The following FAM72A variants were observed in gnomAD, a reference collection of about 807,000 sequenced individuals.
FAM72A encodes the protein regulator of UNG2 and MKLN1 interacting yippee protein 1.
FAM72A carries 1 observed loss-of-function variant against 11.3 expected under a neutral mutation model. The ratio of observed to expected loss-of-function variants is 0.09; its 90% CI spans 0.03 to 0.42. The LOEUF is 0.42. FAM72A is among the 10% of genes least tolerant of loss of function. The pLI, the probability that FAM72A is intolerant of heterozygous loss-of-function variation, is 0.98. For missense variants in FAM72A, 15 were observed against 135.5 expected, an observed-to-expected ratio of 0.11 and a Z score of 4.41; for synonymous variants, 5 against 46.9, an observed-to-expected ratio of 0.11 and a Z score of 3.65.
At chr1:206,196,756 A>G (rs1665078360) in intron 2 of FAM72A, among the ~76,000 whole-genome samples, 6 of 150,550 alleles carry the variant, frequency 4.0e-5, no homozygotes, top group Admixed American at 3.9e-4. Context: ...TTTCAGAATT[A>G]TCCAGCTGAT....
chr1:206,187,163 A>G lies in FAM72A; in HGVS notation c.*116T>C, dbSNP rs1664572540. On this transcript the variant is annotated 3_prime_UTR_variant, in exon 4 of 4. Coordinates refer to ENST00000367128, the MANE Select transcript of FAM72A (RefSeq NM_001123168.3). ...AGACGGAAAATAAATAAATCAACAA[A>G]TGCCCCATTTTTGTTTTCCAAAAAA... 1 of 1,089,282 alleles carries G rather than the reference A, an allele frequency of 9.2e-7. No homozygotes were observed. The allele number at this position is 1,089,282 out of a possible 1,614,324, so 67.5% of individuals were successfully genotyped here.
chr1:206,193,608 T>A (rs1475487838), intron 3 of FAM72A, among the ~76,000 whole-genome samples: 1 of 152,190 alleles, frequency 6.6e-6, no homozygotes, highest in East Asian at 1.9e-4. Context: ...ATAGGCTGAA[T>A]CTCTTGTTAG....
At chr1:206,190,834 A>G (rs572590619) in intron 3 of FAM72A, among the ~76,000 whole-genome samples, 261 of 151,282 alleles carry the variant, frequency 1.7e-3, no homozygotes, top group African/African-American at 6.1e-3. Context: ...TTGTGCCACC[A>G]CACTCCAGCC....
intron 2 of FAM72A, among the ~76,000 whole-genome samples, chr1:206,197,874 A>T (rs1326664003): frequency 1.3e-5 from 2 of 151,812 alleles, no homozygotes; most frequent in Non-Finnish European, 2.9e-5. Context: ...AGATCATGCC[A>T]TTGCACTCCA....
chr1:206,198,017 T>C (rs1665159289), intron 2 of FAM72A, among the ~76,000 whole-genome samples: 11 of 147,504 alleles, frequency 7.5e-5, no homozygotes, highest in East Asian at 6.1e-4. Flanking sequence ...GTCAGGAGTT[T>C]GAGACCAGCC....
chr1:206,191,730 T>TA (rs1664815826), intron 3 of FAM72A, among the ~76,000 whole-genome samples: 4 of 143,152 alleles, frequency 2.8e-5, no homozygotes, highest in Non-Finnish European at 6.1e-5. Context: ...TATTATTTTT[T>TA]TTTTTTTTTT....
intron 2 of FAM72A, among the ~76,000 whole-genome samples, chr1:206,196,519 A>G (rs1665064496): frequency 9.8e-6 from 1 of 101,678 alleles, no homozygotes; most frequent in Non-Finnish European, 1.9e-5. Context: ...TTCTGTGGGT[A>G]AAGGTTTTTG....
chr1:206,198,091 C>T (rs1278850184), intron 2 of FAM72A, among the ~76,000 whole-genome samples: 6 of 150,992 alleles, frequency 4.0e-5, no homozygotes, highest in South Asian at 2.1e-4. Context: ...GGGCTGGGTG[C>T]GGTGGCTCAC....
chr1:206,200,059 CAG>C (rs1280996166), intron 1 of FAM72A, among the ~76,000 whole-genome samples, 175 bp from the exon 2 acceptor site: 4 of 151,592 alleles, frequency 2.6e-5, no homozygotes, highest in East Asian at 3.9e-4. Flanking sequence ...ACCCTCCTAC[CAG>C]AGTTTCCTGA....
intron 2 of FAM72A, among the ~76,000 whole-genome samples, chr1:206,198,907 T>TAAAA (rs544163968): frequency 1.2e-3 from 79 of 63,572 alleles, no homozygotes; most frequent in African/African-American, 4.4e-3. Context: ...CTGTCTCTAC[T>TAAAA]AAAAAAAAAA....
At chr1:206,197,932 T>C (rs1571534984) in intron 2 of FAM72A, among the ~76,000 whole-genome samples, 1 of 145,396 alleles carries the variant, frequency 6.9e-6, no homozygotes, top group East Asian at 2.1e-4. Flanking sequence ...ACAAAAAAAA[T>C]GTCGTTGCCC....
upstream of FAM72A, chr1:206,202,933 T>C (rs1553299546): frequency 6.8e-6 from 1 of 147,492 alleles, no homozygotes. Flanking sequence ...AGAACTAGAG[T>C]TAGCCCCAGT....
chr1:206,192,864 T>G (rs1428563548), intron 3 of FAM72A, among the ~76,000 whole-genome samples: 1 of 149,974 alleles, frequency 6.7e-6, no homozygotes, highest in Non-Finnish European at 1.5e-5. Flanking sequence ...CTAGCTAAGA[T>G]TATGGATGAA....
At chr1:206,198,908 A>G (rs1159462824) in intron 2 of FAM72A, among the ~76,000 whole-genome samples, 6 of 116,368 alleles carry the variant, frequency 5.2e-5, no homozygotes, top group Admixed American at 4.2e-4. Flanking sequence ...TGTCTCTACT[A>G]AAAAAAAAAA....
chr1:206,190,657 G>A (rs1195175546), intron 3 of FAM72A, among the ~76,000 whole-genome samples: 2 of 128,414 alleles, frequency 1.6e-5, no homozygotes, highest in Non-Finnish European at 3.2e-5. Context: ...ATCACTTGAG[G>A]ACAGGAGTTC....
upstream of FAM72A, chr1:206,204,918 C>CCCCCCCCCA (rs1286497011): frequency 7.1e-6 from 1 of 141,024 alleles, no homozygotes; most frequent in African/African-American, 2.9e-5. Flanking sequence ...CCCCCCCCCC[C>CCCCCCCCCA]ATCAACATTT....
At chr1:206,193,658 T>C (rs1427662129) in intron 3 of FAM72A, among the ~76,000 whole-genome samples, 1 of 152,226 alleles carries the variant, frequency 6.6e-6, no homozygotes, top group Admixed American at 6.5e-5. Flanking sequence ...AATCCAATGC[T>C]CATTTACCGT....
Position 206,187,390 on chromosome 1 carries a change from A to G in FAM72A, c.356-17T>C, listed in dbSNP as rs1553297013. On this transcript the variant is annotated splice_polypyrimidine_tract_variant and intron_variant, in intron 3 of 3. Coordinates refer to ENST00000367128, the MANE Select transcript of FAM72A (RefSeq NM_001123168.3). ...CGTTTACACCTGAAAATAAAAAGTC[A>G]TAAAATTCTTTAATGCTTACTACTG... 1 of 1,611,014 alleles carries G rather than the reference A, an allele frequency of 6.2e-7. No homozygotes were observed. Among genetic ancestry groups the G allele is most frequent in the Admixed American group, 1.7e-5 (1 of 59,892 alleles).
upstream of FAM72A, chr1:206,204,907 G>GCCCC (rs370784257): frequency 1.3e-4 from 12 of 95,132 alleles, 2 homozygotes; most frequent in African/African-American, 3.1e-4. Context: ...CTGCAGATTT[G>GCCCC]CCCCCCCCCC....
Sources: gnomAD v4.1 joint callset for allele counts (sites outside exome capture counted in the v4.1 genomes callset) on GRCh38, gnomAD v4.1.1 for gene constraint, MANE v1.5 for transcripts, NCBI Gene and HGNC (gene_info 2026-07-23, HGNC 2026-07-21) for gene names.